The following GOLGA6L1 variants were observed in gnomAD, a reference collection of about 807,000 sequenced individuals.
GOLGA6L1 encodes the protein golgin A6 family like 1.
In GOLGA6L1, 2 loss-of-function variants were observed where a neutral mutation model predicts 23.6. The observed-to-expected ratio is 0.08, with a 90% CI of 0.03 to 0.27. GOLGA6L1 has a LOEUF of 0.27. GOLGA6L1 is among the 10% of genes least tolerant of loss of function. GOLGA6L1 has a pLI of 1.00. For synonymous variants in GOLGA6L1, 4 were observed against 49.8 expected, an observed-to-expected ratio of 0.08 and a Z score of 3.87; for missense variants, 15 against 172.9, an observed-to-expected ratio of 0.09 and a Z score of 5.12.
intron 7 of GOLGA6L1, among the ~76,000 whole-genome samples, chr15:23,130,874 C>CA (rs1473648145): frequency 3.1e-5 from 2 of 65,450 alleles, no homozygotes; most frequent in African/African-American, 9.5e-5. Context: ...ACTAAAAATA[C>CA]AAAAAAATTA....
Position 23,129,918 on chromosome 15 carries a change from CGT to C in GOLGA6L1, c.1533_1534del (p.Ile511MetfsTer113). The C allele has an allele frequency of 1.4e-6, 1 of 735,962 alleles. No individual in the cohort carries two copies. Among genetic ancestry groups the C allele is most frequent in the South Asian group, 1.6e-5 (1 of 61,408 alleles). The allele number at this position is 735,962 out of a possible 1,614,324, so 45.6% of individuals were successfully genotyped here. On this transcript the variant is annotated frameshift_variant, in exon 8 of 9. Coordinates refer to ENST00000614055, the MANE Select transcript of GOLGA6L1 (RefSeq NM_001001413.3). LOFTEE classifies it high-confidence loss of function. Reference sequence around the variant, plus strand: ...CCTCCACATCTTCTCCTCCTGCTCCCGTATCTTCTCCTCCTGGTCGTGCATCT... The same window carrying C: ...CCTCCACATCTTCTCCTCCTGCTCCCATCTTCTCCTCCTGGTCGTGCATCT...
At position 23,136,810 on chromosome 15, in the gene GOLGA6L1, G is replaced by A; in HGVS notation, c.-79C>T. On this transcript the variant is annotated 5_prime_UTR_variant, in exon 1 of 9. Transcript: ENST00000614055. Reference sequence around the variant, plus strand: ...CTGAGCCAGAGGAGGCGTAACCAGGGCTGCACTAGAATGCAGAATAGGGGT... The same window carrying A: ...CTGAGCCAGAGGAGGCGTAACCAGGACTGCACTAGAATGCAGAATAGGGGT... The A allele has an allele frequency of 6.3e-6, 1 of 157,706 alleles. No individual in the cohort carries two copies. The highest frequency in any genetic ancestry group is 1.0e-5 in the Non-Finnish European group (1 of 99,718). The allele number at this position is 157,706 out of a possible 1,614,324, so 9.8% of individuals were successfully genotyped here.
In GOLGA6L1 at chr15:23,129,961, A is replaced by T. The variant is rs1414722048; in HGVS notation, c.1492T>A (p.Trp498Arg). ...TCGTGCATCTTCTCCTCCTGCCTCCACACCTTCTCCTCCTGCTTCCGTATC... is the reference window on the plus strand; with the variant it reads ...TCGTGCATCTTCTCCTCCTGCCTCCTCACCTTCTCCTCCTGCTTCCGTATC... ...EKIRKQEEKV[W>R]RQEEKMHDQE... Residue 498 changes from tryptophan (W) to arginine (R), a missense_variant, in exon 8 of 9, where the codon TGG (tryptophan) becomes AGG (arginine). Trp to Arg is a moderately radical substitution (Grantham distance 101, BLOSUM62 -3). Coordinates refer to ENST00000614055, the MANE Select transcript of GOLGA6L1 (RefSeq NM_001001413.3). 1.8e-6 allele frequency: 1 copy of T among 566,702 alleles called. No homozygotes were observed. The highest frequency in any genetic ancestry group is 2.9e-6 in the Non-Finnish European group (1 of 344,734). The allele number at this position is 566,702 out of a possible 1,614,324, so 35.1% of individuals were successfully genotyped here.
At chr15:23,132,424 G>T (rs1477995111) in intron 5 of GOLGA6L1, among the ~76,000 whole-genome samples, 1 of 146,554 alleles carries the variant, frequency 6.8e-6, no homozygotes, top group Non-Finnish European at 1.5e-5. Context: ...GGCCCAGAGC[G>T]ATCAGATAAT....
chr15:23,133,763 A>G, intron 2 of GOLGA6L1, 90 bp from the exon 3 acceptor site: 1 of 175,122 alleles, frequency 5.7e-6, no homozygotes, highest in East Asian at 2.4e-4. Flanking sequence ...ACTGCCCCAG[A>G]ACAGGCCCAC....
Sources: gnomAD v4.1 joint callset for allele counts (sites outside exome capture counted in the v4.1 genomes callset) on GRCh38, gnomAD v4.1.1 for gene constraint, MANE v1.5 for transcripts, NCBI Gene and HGNC (gene_info 2026-07-23, HGNC 2026-07-21) for gene names.